The following KLHL29 variants were observed in gnomAD, a reference collection of about 807,000 sequenced individuals.
The protein encoded by KLHL29 is kelch like family member 29.
Under a neutral mutation model 80.4 loss-of-function variants are expected in KLHL29, and 21 were observed. The ratio of observed to expected loss-of-function variants is 0.26; its 90% CI spans 0.19 to 0.38. The LOEUF (loss-of-function observed/expected upper bound fraction) is 0.38, where lower values mean the gene tolerates loss of function less well. KLHL29 is among the 10% of genes least tolerant of loss of function. The pLI is 1.00. For synonymous variants in KLHL29, 511 were observed against 526.8 expected, an observed-to-expected ratio of 0.97 and a Z score of 0.41; for missense variants, 867 against 1,223.9, an observed-to-expected ratio of 0.71 and a Z score of 4.35.
At chr2:23,540,872 A>G (rs575752773) in intron 2 of KLHL29, among the ~76,000 whole-genome samples, 1 of 152,302 alleles carries the variant, frequency 6.6e-6, no homozygotes, top group African/African-American at 2.4e-5. Context: ...CATGATCCTG[A>G]AGGAAGAGAG....
Position 23,570,822 on chromosome 2 carries a change from G to A in KLHL29, c.285+8341G>A, listed in dbSNP as rs574751005. 3.3e-5 allele frequency among the ~76,000 whole-genome samples: 5 copies of A among 152,342 alleles called. No homozygotes were observed. In the South Asian group the frequency reaches 1.0e-3, roughly 32 times the overall value. On this transcript the variant is annotated intron_variant, in intron 3 of 13. Coordinates refer to ENST00000486442, the MANE Select transcript of KLHL29 (RefSeq NM_052920.2). ...TTATTTTAAAAACATGGATTTGAATGACCGAGAGTCACCTGGGGCAGAAAG... is the reference window on the plus strand; with the variant it reads ...TTATTTTAAAAACATGGATTTGAATAACCGAGAGTCACCTGGGGCAGAAAG...
chr2:23,403,662 A>G (rs1666647179), intron 1 of KLHL29, among the ~76,000 whole-genome samples: 1 of 152,134 alleles, frequency 6.6e-6, no homozygotes, highest in African/African-American at 2.4e-5. Flanking sequence ...AATGATGATG[A>G]AAACAATAAT....
chr2:23,615,410 G>T (rs1668979036), intron 3 of KLHL29, among the ~76,000 whole-genome samples: 1 of 152,152 alleles, frequency 6.6e-6, no homozygotes, highest in Non-Finnish European at 1.5e-5. Context: ...GACACCCTGA[G>T]TCGTATCTCT....
At chr2:23,461,976 A>ATTTT (rs10659814) in intron 1 of KLHL29, among the ~76,000 whole-genome samples, 4,641 of 141,248 alleles carry the variant, frequency 0.033, 166 homozygotes, top group African/African-American at 0.079. Flanking sequence ...GGTTTTTGCC[A>ATTTT]TTTTTTTTTT....
intron 11 of KLHL29, among the ~76,000 whole-genome samples, chr2:23,701,736 C>G (rs960004271): frequency 2.0e-4 from 30 of 151,656 alleles, no homozygotes; most frequent in Admixed American, 1.6e-3. Context: ...AACCTTCACC[C>G]ACTGCACTCT....
intron 2 of KLHL29, among the ~76,000 whole-genome samples, chr2:23,527,952 C>T (rs1666376102): frequency 6.6e-6 from 1 of 152,234 alleles, no homozygotes; most frequent in Admixed American, 6.5e-5. Context: ...CTGCAGACCC[C>T]ATCACCACCA....
In KLHL29 at chr2:23,539,431, C is replaced by CTTTTTTTTTTTTTTTTTTTTTTTTT. The variant is rs1666768797; in HGVS notation, c.-45-22721_-45-22720insTTTTTTTTTTTTTTTTTTTTTTTTT. On this transcript the variant is annotated intron_variant, in intron 2 of 13. Transcript: ENST00000486442. ...ATGCTTTGCTAGCCTTATCCTGCCT[C>CTTTTTTTTTTTTTTTTTTTTTTTTT]CTTTTTTTTTTTTTTTTTTTTTTTT... 5.6e-5 allele frequency among the ~76,000 whole-genome samples: 6 copies of CTTTTTTTTTTTTTTTTTTTTTTTTT among 107,216 alleles called. 3 individuals are homozygous for CTTTTTTTTTTTTTTTTTTTTTTTTT. Among genetic ancestry groups the CTTTTTTTTTTTTTTTTTTTTTTTTT allele is most frequent in the African/African-American group, 7.1e-5 (2 of 28,106 alleles). The allele number at this position is 107,216 out of a possible 152,430, so 70.3% of individuals were successfully genotyped here. A position where few individuals can be genotyped will look rare whatever the true frequency, so the allele number is the denominator to read the frequency against.
chr2:23,677,590 G>A (rs1002149416), intron 5 of KLHL29, among the ~76,000 whole-genome samples: 1 of 152,192 alleles, frequency 6.6e-6, no homozygotes, highest in Non-Finnish European at 1.5e-5. Flanking sequence ...GGCCTTCAGG[G>A]TTTATTCTGA....
intron 2 of KLHL29, among the ~76,000 whole-genome samples, chr2:23,527,360 A>G (rs1254556318): frequency 5.3e-5 from 8 of 152,188 alleles, no homozygotes; most frequent in Non-Finnish European, 1.5e-5. Context: ...CAGCATTAGT[A>G]TACCACACTG....
At chr2:23,408,073 C>T (rs1054006902) in intron 1 of KLHL29, among the ~76,000 whole-genome samples, 4 of 151,686 alleles carry the variant, frequency 2.6e-5, no homozygotes, top group Non-Finnish European at 5.9e-5. Flanking sequence ...AGGGTGTTTC[C>T]AGGCTGTTTA....
chr2:23,394,679 T>A (rs972394039), intron 1 of KLHL29, among the ~76,000 whole-genome samples: 1 of 152,264 alleles, frequency 6.6e-6, no homozygotes, highest in Non-Finnish European at 1.5e-5. Context: ...GCTCACTGAT[T>A]ATCACAGTTG....
At chr2:23,427,002 A>T (rs1663022885) in intron 1 of KLHL29, among the ~76,000 whole-genome samples, 1 of 152,134 alleles carries the variant, frequency 6.6e-6, no homozygotes, top group African/African-American at 2.4e-5. Context: ...AGTGATGTGG[A>T]TTTGAGCCAT....
At chr2:23,390,547 C>CAT (rs1425414489) in intron 1 of KLHL29, among the ~76,000 whole-genome samples, 15 of 151,308 alleles carry the variant, frequency 9.9e-5, no homozygotes, top group Admixed American at 6.6e-5. Flanking sequence ...GATAATCACA[C>CAT]ATATATATAC....
intron 5 of KLHL29, 198 bp downstream of exon 5, chr2:23,643,048 C>T (rs752081545): frequency 1.2e-4 from 84 of 720,820 alleles, no homozygotes; most frequent in Non-Finnish European, 1.5e-4. Context: ...GTGTGGAGGG[C>T]GGGACAAACA....
chr2:23,438,625 G>A (rs1045105948), intron 1 of KLHL29, among the ~76,000 whole-genome samples: 11 of 149,458 alleles, frequency 7.4e-5, no homozygotes, highest in South Asian at 2.1e-4. Context: ...ATTGATTTGC[G>A]TATATTGAAC....
At chr2:23,616,848 C>G (rs1253280489) in intron 3 of KLHL29, 2 of 152,230 alleles carry the variant, frequency 1.3e-5, no homozygotes, top group African/African-American at 4.8e-5. Flanking sequence ...CCCGCTCAGA[C>G]CTCGGCGGGC....
chr2:23,590,314 G>T (rs1434193358), intron 3 of KLHL29, among the ~76,000 whole-genome samples: 2 of 152,216 alleles, frequency 1.3e-5, no homozygotes, highest in African/African-American at 4.8e-5. Flanking sequence ...CAGAGTTCTA[G>T]CTTCTGGTTT....
At chr2:23,637,822 T>G (rs1301450770) in intron 3 of KLHL29, among the ~76,000 whole-genome samples, 1 of 152,014 alleles carries the variant, frequency 6.6e-6, no homozygotes, top group Non-Finnish European at 1.5e-5. Flanking sequence ...GAAGTCACCG[T>G]GAGGACCATG....
chr2:23,682,680 A>ACACCCTCCCG lies in KLHL29; in HGVS notation c.941-1707_941-1698dup, dbSNP rs200890193. 1.2e-4 allele frequency among the ~76,000 whole-genome samples: 17 copies of ACACCCTCCCG among 147,306 alleles called. No homozygotes were observed. The highest frequency in any genetic ancestry group is 4.3e-4 in the African/African-American group (17 of 39,326). The stretch of plus-strand genomic sequence containing the variant: ...CCCCCTCGTGCTCCTGCACCCTCCC[A>ACACCCTCCCG]CACCCTCCCGCACCCTCCCGCGCCC... On this transcript the variant is annotated intron_variant, in intron 5 of 13. Coordinates refer to ENST00000486442, the MANE Select transcript of KLHL29 (RefSeq NM_052920.2). This position sits in a 1 kb window ranked among gnomAD's most constrained non-coding sequence, Gnocchi z 4.1.
Sources: allele counts gnomAD v4.1 joint callset (sites outside exome capture counted in the v4.1 genomes callset), GRCh38; gene constraint gnomAD v4.1.1; non-coding constraint Gnocchi (gnomAD v3.1); transcripts MANE v1.5; gene names NCBI Gene and HGNC (gene_info 2026-07-23, HGNC 2026-07-21).